The following PRDM16 variants were observed in gnomAD, a reference collection of about 807,000 sequenced individuals.
PRDM16 encodes the protein histone-lysine N-methyltransferase PRDM16.
In PRDM16, 23 loss-of-function variants were observed where a neutral mutation model predicts 110.6. The ratio of observed to expected loss-of-function variants is 0.21; its 90% confidence interval spans 0.15 to 0.29. The LOEUF (loss-of-function observed/expected upper bound fraction) is 0.29. Among genes scored for constraint, PRDM16 ranks in the 10% least tolerant of loss-of-function variants. The pLI is 1.00. For synonymous variants in PRDM16, 799 were observed against 781.8 expected (o/e 1.02, Z -0.37); for missense variants, 1,615 against 1,794.3 (o/e 0.90, Z 1.81).
At chr1:3,192,244 G>A (rs901482349) in intron 2 of PRDM16, among the ~76,000 whole-genome samples, 1 of 152,228 alleles carries the variant, frequency 6.6e-6, no homozygotes, top group Non-Finnish European at 1.5e-5. Context: ...CGTGTCGCCA[G>A]CTCATCTGGG....
intron 1 of PRDM16, among the ~76,000 whole-genome samples, chr1:3,141,262 A>G (rs529899662): frequency 7.0e-4 from 107 of 152,322 alleles, no homozygotes; most frequent in African/African-American, 2.5e-3. Context: ...GAATGCTTCT[A>G]TGAAACAATG....
At chr1:3,181,939 C>T (rs1336035728) in intron 1 of PRDM16, among the ~76,000 whole-genome samples, 1 of 151,360 alleles carries the variant, frequency 6.6e-6, no homozygotes, top group East Asian at 1.9e-4. Flanking sequence ...CTTACACATG[C>T]TTACACACAC....
intron 3 of PRDM16, among the ~76,000 whole-genome samples, chr1:3,333,523 C>T (rs1474752024): frequency 3.9e-5 from 6 of 152,128 alleles, no homozygotes; most frequent in Non-Finnish European, 8.8e-5. Context: ...TAGAGCAGCA[C>T]GGTGAGGGAG....
intron 2 of PRDM16, among the ~76,000 whole-genome samples, chr1:3,234,251 C>A (rs985510445): frequency 1.3e-5 from 2 of 152,190 alleles, no homozygotes; most frequent in African/African-American, 4.8e-5. Flanking sequence ...AGTATGGTCA[C>A]CAACAGAGGG....
chr1:3,385,027 G>A, intron 3 of PRDM16, 125 bp from the exon 4 acceptor site: 7 of 1,202,182 alleles, frequency 5.8e-6, no homozygotes, highest in Non-Finnish European at 8.4e-6. Context: ...GGTGGGCTGA[G>A]GTCTGGACGC....
intron 3 of PRDM16, among the ~76,000 whole-genome samples, chr1:3,330,094 G>C (rs976233302): frequency 2.6e-5 from 4 of 152,262 alleles, no homozygotes; most frequent in African/African-American, 9.6e-5. Flanking sequence ...GCCAAGAGGG[G>C]TTAAGGATGC....
At chr1:3,248,734 C>G (rs1001112784) in intron 3 of PRDM16, among the ~76,000 whole-genome samples, 8 of 152,218 alleles carry the variant, frequency 5.3e-5, no homozygotes, top group African/African-American at 1.9e-4. Flanking sequence ...TTGCATTGTC[C>G]AAACAGGGTG....
intron 1 of PRDM16, among the ~76,000 whole-genome samples, chr1:3,140,559 T>C (rs998705007): frequency 8.5e-5 from 13 of 152,234 alleles, no homozygotes; most frequent in African/African-American, 3.1e-4. Flanking sequence ...TAAAACCACG[T>C]TGGCTCTCTA....
At position 3,425,503 on chromosome 1, in the gene PRDM16, C is replaced by G; in HGVS notation, c.2940-78C>G. 6.7e-7 allele frequency: 1 copy of G among 1,500,734 alleles called. No homozygotes were observed. The highest frequency in any genetic ancestry group is 9.1e-7 in the Non-Finnish European group (1 of 1,100,472). The allele number at this position is 1,500,734 out of a possible 1,614,324, so 93.0% of individuals were successfully genotyped here. On this transcript the variant is annotated intron_variant, in intron 12 of 16. Transcript: ENST00000270722. The surrounding 1 kb of genome is among the most constrained non-coding windows in gnomAD (Gnocchi z 6.9). ...GGGCACGGGGCAGGGGCGCGGGCTC[C>G]CTTCCCCCCACCCTCTGTGGCCCGG...
intron 12 of PRDM16, among the ~76,000 whole-genome samples, chr1:3,422,125 A>G (rs9662461): frequency 1.3e-5 from 2 of 149,990 alleles, no homozygotes; most frequent in East Asian, 2.0e-4. Context: ...AGATGGACAG[A>G]CAGGCAGGCA....
At chr1:3,211,628 C>A (rs1327139921) in intron 2 of PRDM16, among the ~76,000 whole-genome samples, 1 of 152,234 alleles carries the variant, frequency 6.6e-6, no homozygotes, top group Non-Finnish European at 1.5e-5. Flanking sequence ...GGTCGTCCAG[C>A]CCACTGGCCG....
intron 1 of PRDM16, among the ~76,000 whole-genome samples, chr1:3,181,206 G>GCAGTCTTATGGTCTTACACACA: frequency 9.1e-6 from 1 of 109,486 alleles, no homozygotes; most frequent in East Asian, 3.4e-4. Flanking sequence ...TCTTACACAC[G>GCAGTCTTATGGTCTTACACACA]GTCTTACACA....
At chr1:3,093,854 T>A (rs1317007745) in intron 1 of PRDM16, among the ~76,000 whole-genome samples, 1 of 151,748 alleles carries the variant, frequency 6.6e-6, no homozygotes. Context: ...CGTGCGGGGG[T>A]CTGTGGGGCC....
intron 3 of PRDM16, among the ~76,000 whole-genome samples, chr1:3,282,763 C>T (rs1156850375): frequency 2.0e-5 from 3 of 152,144 alleles, no homozygotes; most frequent in African/African-American, 4.8e-5. Flanking sequence ...AGGGAGGAGA[C>T]ACTGTTGTCC....
rs1642036600 is a variant in PRDM16 at position 3,081,836 on chromosome 1, T to C, written c.37+12540T>C. On this transcript the variant is annotated intron_variant, in intron 1 of 16. Coordinates refer to ENST00000270722, the MANE Select transcript of PRDM16 (RefSeq NM_022114.4). This position sits in a 1 kb window ranked among gnomAD's most constrained non-coding sequence, Gnocchi z 4.6. ...GAGACCACCTCCTTGCTGCCCTGAC[T>C]AAACACCAGCTTTGCAAAAGCAAGA... Among the ~76,000 whole-genome samples, 1 of 152,026 alleles carries C rather than the reference T, an allele frequency of 6.6e-6. No individual in the cohort carries two copies. The highest frequency in any genetic ancestry group is 2.1e-4 in the South Asian group (1 of 4,824).
intron 15 of PRDM16, among the ~76,000 whole-genome samples, 197 bp downstream of exon 15, chr1:3,431,305 C>G (rs951463755): frequency 6.6e-6 from 1 of 152,124 alleles, no homozygotes; most frequent in Non-Finnish European, 1.5e-5. Context: ...CCTTAACCCC[C>G]CCACCCACCC....
chr1:3,177,404 C>T (rs150410809), intron 1 of PRDM16, among the ~76,000 whole-genome samples: 4 of 152,336 alleles, frequency 2.6e-5, no homozygotes, highest in African/African-American at 4.8e-5. Context: ...TGAGAAGCTT[C>T]GAAATCAAGA....
intron 1 of PRDM16, among the ~76,000 whole-genome samples, chr1:3,096,692 G>C (rs1329268934): frequency 1.3e-5 from 2 of 152,206 alleles, no homozygotes; most frequent in Non-Finnish European, 1.5e-5. Flanking sequence ...CCGTCCCAGG[G>C]CTGCTGAGCC....
chr1:3,425,203 G>C lies in PRDM16; in HGVS notation c.2940-378G>C. ...CGCCATTCTCCTGCCTCAGCCTCCA[G>C]AGTAGCTGGGACTACAGGCGCCCAC... On this transcript the variant is annotated intron_variant, in intron 12 of 16. Transcript: ENST00000270722. This position sits in a 1 kb window ranked among gnomAD's most constrained non-coding sequence, Gnocchi z 6.9. The C allele has an allele frequency of 6.0e-6, 1 of 167,592 alleles. No homozygotes were observed. The highest frequency in any genetic ancestry group is 1.3e-5 in the Non-Finnish European group (1 of 77,156). 10.4% of individuals were successfully genotyped at this position (167,592 alleles called of 1,614,324 possible).
Sources: allele counts gnomAD v4.1 joint callset (sites outside exome capture counted in the v4.1 genomes callset), GRCh38; gene constraint gnomAD v4.1.1; non-coding constraint Gnocchi (gnomAD v3.1); transcripts MANE v1.5; gene names NCBI Gene and HGNC (gene_info 2026-07-23, HGNC 2026-07-21).